The following ANKRD10 variants were observed in gnomAD, a reference collection of about 807,000 sequenced individuals.
The protein encoded by ANKRD10 is ankyrin repeat domain-containing protein 10.
Under a neutral mutation model 27.0 loss-of-function variants are expected in ANKRD10, and 14 were observed. The observed-to-expected ratio is 0.52, with a 90% CI of 0.34 to 0.81. The LOEUF (loss-of-function observed/expected upper bound fraction) is 0.81. Ranked by LOEUF, ANKRD10 falls within the 40% of genes least tolerant of loss-of-function variation. The pLI is 0.01. For missense variants in ANKRD10, 493 were observed against 544.0 expected (o/e 0.91, Z 0.93); for synonymous variants, 250 against 224.5 (o/e 1.11, Z -1.01).
At chr13:110,883,893 TAAAC>T in intron 4 of ANKRD10, 100 bp from the exon 5 acceptor site, 1 of 1,236,906 alleles carries the variant, frequency 8.1e-7, no homozygotes. Context: ...CTGAACACTT[TAAAC>T]AATCACATAA....
chr13:110,881,772 A>G (rs2064824438), intron 5 of ANKRD10, among the ~76,000 whole-genome samples: 1 of 152,254 alleles, frequency 6.6e-6, no homozygotes, highest in Non-Finnish European at 1.5e-5. Flanking sequence ...TAAAGTAGGT[A>G]GAATTTTACT....
At chr13:110,897,065 A>T (rs2065245148) in intron 3 of ANKRD10, among the ~76,000 whole-genome samples, 1 of 152,166 alleles carries the variant, frequency 6.6e-6, no homozygotes, top group African/African-American at 2.4e-5. Context: ...CAAAAAAAAT[A>T]AAAAATTACT....
At position 110,879,955 on chromosome 13, in the gene ANKRD10, T is replaced by C. The variant is rs2064780064; in HGVS notation, c.945A>G (p.Pro315=). The change falls in exon 6 of 6, where the codon CCA becomes CCG. Residue 315 remains proline (P), a synonymous_variant. Coordinates refer to ENST00000267339, the MANE Select transcript of ANKRD10 (RefSeq NM_017664.4). ...GTNGISSGLA[P]GQPFPSSQGS... ...CCTGGCTACTCGGAAACGGCTGTCC[T>C]GGGGCTAATCCACTGCTAATTCCGT... is the stretch of plus-strand genomic sequence containing the variant. 3 of 1,614,090 alleles carry C rather than the reference T, an allele frequency of 1.9e-6. No homozygotes were observed. The highest frequency in any genetic ancestry group is 2.5e-6 in the Non-Finnish European group (3 of 1,180,044).
chr13:110,902,856 T>C (rs1479327656), intron 3 of ANKRD10, among the ~76,000 whole-genome samples: 1 of 143,490 alleles, frequency 7.0e-6, no homozygotes, highest in Non-Finnish European at 1.6e-5. Flanking sequence ...AAAGCTATTT[T>C]ACTAGCTGGT....
At chr13:110,911,313 G>A (rs182679197) in intron 1 of ANKRD10, among the ~76,000 whole-genome samples, 72 of 151,786 alleles carry the variant, frequency 4.7e-4, no homozygotes, top group African/African-American at 1.6e-3. Flanking sequence ...TTAGCCGGGC[G>A]TGGTGGCGGG....
chr13:110,902,214 A>G (rs770267875), intron 3 of ANKRD10, among the ~76,000 whole-genome samples: 51 of 152,178 alleles, frequency 3.4e-4, no homozygotes, highest in Admixed American at 3.1e-3. Context: ...ATATAAAGAA[A>G]CCACGAATTT....
intron 3 of ANKRD10, among the ~76,000 whole-genome samples, chr13:110,897,369 C>T (rs555775954): frequency 2.7e-5 from 4 of 149,990 alleles, no homozygotes; most frequent in African/African-American, 7.4e-5. Flanking sequence ...AGTGATCCTC[C>T]CACCTCAGAC....
intron 3 of ANKRD10, among the ~76,000 whole-genome samples, chr13:110,898,056 AAAC>A (rs563050844): frequency 2.8e-4 from 43 of 152,360 alleles, no homozygotes; most frequent in East Asian, 5.8e-4. Flanking sequence ...ACAAAATATT[AAAC>A]AACAAGAAAA....
At chr13:110,894,915 A>G (rs2138846708) in intron 3 of ANKRD10, 1 of 152,348 alleles carries the variant, frequency 6.6e-6, no homozygotes, top group East Asian at 1.9e-4. Flanking sequence ...TGTTATTGAA[A>G]TAGAAAATAT....
chr13:110,914,229 CAGA>C (rs1228352853), intron 1 of ANKRD10, among the ~76,000 whole-genome samples: 3 of 152,170 alleles, frequency 2.0e-5, no homozygotes, highest in Non-Finnish European at 2.9e-5. Flanking sequence ...TGTGCGGAAC[CAGA>C]AGGTCGACCG....
intron 4 of ANKRD10, among the ~76,000 whole-genome samples, chr13:110,884,884 G>C (rs758759807): frequency 2.6e-5 from 4 of 152,128 alleles, no homozygotes; most frequent in Non-Finnish European, 5.9e-5. Context: ...GCTTGAATTA[G>C]CTCTAGTTTT....
chr13:110,887,079 G>A lies in ANKRD10; in HGVS notation c.692-3286C>T, dbSNP rs192178482. ...GGTCACTGCCTGCCCTCCTAAGTGA[G>A]AACTAGAGCCAGTAGAGCACGCCTC... On this transcript the variant is annotated intron_variant, in intron 4 of 5. Transcript: ENST00000267339. 2.6e-5 allele frequency among the ~76,000 whole-genome samples: 4 copies of A among 152,258 alleles called. No individual in the cohort carries two copies. In the East Asian group the frequency reaches 7.7e-4, roughly 29 times the overall value.
intron 1 of ANKRD10, among the ~76,000 whole-genome samples, chr13:110,913,386 TAAG>T (rs1007307998): frequency 1.3e-5 from 2 of 152,206 alleles, no homozygotes; most frequent in African/African-American, 2.4e-5. Flanking sequence ...TTTTGTTTGT[TAAG>T]AAACTCATTT....
Position 110,879,876 on chromosome 13 carries a change from G to A in ANKRD10, c.1024C>T (p.Pro342Ser), listed in dbSNP as rs1406117592. The A allele has an allele frequency of 6.2e-7, 1 of 1,614,184 alleles. No individual in the cohort carries two copies. Among genetic ancestry groups the A allele is most frequent in the Admixed American group, 1.7e-5 (1 of 60,014 alleles). Residue 342 changes from proline to serine, a missense_variant, in exon 6 of 6, where the codon CCT becomes TCT. Pro to Ser is a moderately conservative substitution (Grantham distance 74). Coordinates refer to ENST00000267339, the MANE Select transcript of ANKRD10 (RefSeq NM_017664.4). ...AGGTGCAGAGAACCGCACAACTCAG[G>A]GTTAGCTCTCAGGGTCTTCTCTGGC... ...EEPEKTLRANPELCGSLHLNG... is the reference protein window; with the variant it reads ...EEPEKTLRANSELCGSLHLNG...
At chr13:110,914,053 G>A (rs536363005) in intron 1 of ANKRD10, among the ~76,000 whole-genome samples, 194 of 152,294 alleles carry the variant, frequency 1.3e-3, no homozygotes, top group Non-Finnish European at 2.2e-3. Flanking sequence ...AAACACAGCC[G>A]TCACTAATTT....
chr13:110,888,930 G>C (rs2065004980), intron 4 of ANKRD10, among the ~76,000 whole-genome samples: 1 of 152,132 alleles, frequency 6.6e-6, no homozygotes, highest in South Asian at 2.1e-4. Flanking sequence ...GCCTACTTCT[G>C]GGGCAAATGT....
At chr13:110,912,389 C>T (rs944397536) in intron 1 of ANKRD10, among the ~76,000 whole-genome samples, 21 of 152,156 alleles carry the variant, frequency 1.4e-4, no homozygotes, top group Admixed American at 4.6e-4. Context: ...CCAACTTGGA[C>T]CTGGGAGTAA....
At position 110,910,754 on chromosome 13, in the gene ANKRD10, T is replaced by C. The variant is rs751437692; in HGVS notation, c.227A>G (p.Gln76Arg). 1.2e-6 allele frequency: 2 copies of C among 1,613,814 alleles called. No individual in the cohort carries two copies. The highest frequency in any genetic ancestry group is 1.7e-5 in the Admixed American group (1 of 59,914). ...GAGTGTGGCTCCCGCTCTCACCAAC[T>C]GCACTAAGCACTCCAACTTCGAAAA... The part of the protein sequence containing the change: ...AHFGKLECLV[Q>R]LVRAGATLNV... Residue 76 changes from glutamine to arginine, a missense_variant, in exon 2 of 6, where the codon CAG (glutamine) becomes CGG (arginine). Transcript: ENST00000267339.
chr13:110,911,039 C>G (rs1053855970), intron 1 of ANKRD10, among the ~76,000 whole-genome samples: 1 of 152,196 alleles, frequency 6.6e-6, no homozygotes, highest in Admixed American at 6.5e-5. Context: ...TGTTTCCCTA[C>G]AATTGAATAA....
Sources: allele counts gnomAD v4.1 joint callset (sites outside exome capture counted in the v4.1 genomes callset), GRCh38; gene constraint gnomAD v4.1.1; transcripts MANE v1.5; gene names NCBI Gene and HGNC (gene_info 2026-07-23, HGNC 2026-07-21).